Variants in INPP4B observed in about 807,000 individuals in gnomAD.
INPP4B encodes the protein inositol polyphosphate 4-phosphatase type II.
Under a neutral mutation model 122.5 loss-of-function variants are expected in INPP4B, and 55 were observed. That is an observed-to-expected ratio of 0.45 (90% confidence interval 0.36 to 0.56). The LOEUF (loss-of-function observed/expected upper bound fraction) is 0.56. Ranked by LOEUF, INPP4B falls within the 20% of genes least tolerant of loss-of-function variation. The probability of loss-of-function intolerance (pLI) is 0.00; values close to 1 mark genes in which losing one functional copy is unlikely to be tolerated. For missense variants in INPP4B, 1,000 were observed against 1,097.7 expected (o/e 0.91, Z 1.26); for synonymous variants, 403 against 388.7 (o/e 1.04, Z -0.43).
chr4:142,840,265 C>A (rs184346011), intron 1 of INPP4B, among the ~76,000 whole-genome samples: 2 of 151,480 alleles, frequency 1.3e-5, no homozygotes, highest in East Asian at 1.9e-4. Context: ...AAGGGCAATG[C>A]AACAGAAAAA....
intron 17 of INPP4B, among the ~76,000 whole-genome samples, chr4:142,156,819 C>A (rs528709009): frequency 1.3e-5 from 2 of 151,990 alleles, no homozygotes. Context: ...CTGCATCAGC[C>A]GGGTAGGATT....
chr4:142,275,857 T>C (rs1462000124), intron 9 of INPP4B, among the ~76,000 whole-genome samples: 1 of 151,554 alleles, frequency 6.6e-6, no homozygotes, highest in East Asian at 1.9e-4. Flanking sequence ...AACTCTCCTT[T>C]TATGAAGATC....
chr4:142,589,532 A>G (rs1017682191), intron 2 of INPP4B, among the ~76,000 whole-genome samples: 1 of 152,106 alleles, frequency 6.6e-6, no homozygotes, highest in African/African-American at 2.4e-5. Flanking sequence ...AAAACTGATC[A>G]ACATAAATTT....
intron 2 of INPP4B, among the ~76,000 whole-genome samples, chr4:142,645,700 G>C (rs1322913932): frequency 6.6e-6 from 1 of 152,150 alleles, no homozygotes; most frequent in African/African-American, 2.4e-5. Context: ...CCATTGGAAC[G>C]GTTATATCAG....
intron 2 of INPP4B, among the ~76,000 whole-genome samples, chr4:142,548,286 G>A (rs980673282): frequency 5.3e-5 from 8 of 152,134 alleles, no homozygotes; most frequent in Non-Finnish European, 8.8e-5. Flanking sequence ...TGTAGAAACT[G>A]CAAGTAGTGA....
intron 1 of INPP4B, among the ~76,000 whole-genome samples, chr4:142,737,114 T>C (rs914492720): frequency 7.9e-5 from 12 of 152,162 alleles, no homozygotes; most frequent in African/African-American, 2.9e-4. Flanking sequence ...AAAACTACTT[T>C]AAAGTTCATA....
intron 2 of INPP4B, among the ~76,000 whole-genome samples, chr4:142,565,594 C>T (rs1354250008): frequency 2.0e-5 from 3 of 152,134 alleles, no homozygotes; most frequent in African/African-American, 7.2e-5. Context: ...GCAAACACCA[C>T]AGTAATAGTT....
intron 7 of INPP4B, among the ~76,000 whole-genome samples, chr4:142,391,587 AAAAC>A (rs1414222799): frequency 1.3e-5 from 2 of 152,022 alleles, no homozygotes; most frequent in Admixed American, 6.6e-5. Context: ...CAAAACAAAC[AAAAC>A]AAACAAAAAC....
At position 142,071,529 on chromosome 4, in the gene INPP4B, T is replaced by C. The variant is rs543064931; in HGVS notation, c.2642+10502A>G. Among the ~76,000 whole-genome samples the C allele has an allele frequency of 4.0e-3, 607 of 152,188 alleles. 9 individuals carry two copies. Among genetic ancestry groups the C allele is most frequent in the African/African-American group, 0.014 (567 of 41,526 alleles). On this transcript the variant is annotated intron_variant, in intron 25 of 25. Coordinates refer to ENST00000262992, the MANE Select transcript of INPP4B (RefSeq NM_001101669.3). The stretch of plus-strand genomic sequence containing the variant: ...AGAGCTTCTGCACAGCAAAAGAAAC[T>C]ACCATCAGAGTGAACAGGCAACCTA...
At chr4:142,756,324 G>A (rs539116382) in intron 1 of INPP4B, among the ~76,000 whole-genome samples, 3 of 152,056 alleles carry the variant, frequency 2.0e-5, no homozygotes, top group South Asian at 2.1e-4. Flanking sequence ...AGAAAACTGC[G>A]GCGTTAACAA....
At chr4:142,368,813 A>G (rs1788576383) in intron 7 of INPP4B, among the ~76,000 whole-genome samples, 1 of 152,162 alleles carries the variant, frequency 6.6e-6, no homozygotes, top group Non-Finnish European at 1.5e-5. Flanking sequence ...GACTGCAAAA[A>G]ACAGACACAT....
At chr4:142,399,816 T>C (rs1801013209) in intron 7 of INPP4B, among the ~76,000 whole-genome samples, 2 of 152,070 alleles carry the variant, frequency 1.3e-5, no homozygotes, top group South Asian at 4.1e-4. Context: ...ATCACTCTAA[T>C]ACTAATACAT....
intron 3 of INPP4B, among the ~76,000 whole-genome samples, chr4:142,446,332 T>C (rs1386056649): frequency 1.3e-5 from 2 of 151,926 alleles, no homozygotes; most frequent in Admixed American, 1.3e-4. Flanking sequence ...ATCAGGGAAA[T>C]GTAAACTAAA....
At chr4:142,692,522 G>A (rs1019558674) in intron 2 of INPP4B, among the ~76,000 whole-genome samples, 7 of 152,142 alleles carry the variant, frequency 4.6e-5, no homozygotes, top group Admixed American at 2.0e-4. Flanking sequence ...GCAACAAAGC[G>A]AGACCCCCAT....
At chr4:142,844,170 C>T (rs929823779) in intron 1 of INPP4B, among the ~76,000 whole-genome samples, 1 of 152,134 alleles carries the variant, frequency 6.6e-6, no homozygotes, top group Non-Finnish European at 1.5e-5. Context: ...CTGCATGCTA[C>T]TTTAAATAGA....
chr4:142,594,644 A>G (rs1738265990), intron 2 of INPP4B, among the ~76,000 whole-genome samples: 1 of 152,098 alleles, frequency 6.6e-6, no homozygotes. Context: ...AGATGTTATA[A>G]TTCTGGAGGA....
At chr4:142,259,581 GA>G (rs1041228407) in intron 11 of INPP4B, among the ~76,000 whole-genome samples, 19 of 95,156 alleles carry the variant, frequency 2.0e-4, no homozygotes, top group South Asian at 4.8e-4. Context: ...ATCAAATCAA[GA>G]AAAAAATATA....
intron 1 of INPP4B, among the ~76,000 whole-genome samples, chr4:142,809,855 A>G (rs900738910): frequency 6.6e-6 from 1 of 152,018 alleles, no homozygotes; most frequent in Non-Finnish European, 1.5e-5. Context: ...TCCACGGGAT[A>G]TTACATGGCC....
chr4:142,690,694 G>C (rs928750452), intron 2 of INPP4B, among the ~76,000 whole-genome samples: 3 of 152,156 alleles, frequency 2.0e-5, no homozygotes, highest in Admixed American at 1.3e-4. Context: ...ACTCCTGCAA[G>C]AGAACCTCCC....
Sources: gnomAD v4.1 joint callset for allele counts (sites outside exome capture counted in the v4.1 genomes callset) on GRCh38, gnomAD v4.1.1 for gene constraint, MANE v1.5 for transcripts, NCBI Gene and HGNC (gene_info 2026-07-23, HGNC 2026-07-21) for gene names.